Variants in DNM2 observed in about 807,000 individuals in gnomAD.
DNM2 encodes dynamin-2.
In DNM2, 15 loss-of-function variants were observed where a neutral mutation model predicts 99.0. The observed-to-expected ratio is 0.15, with a 90% confidence interval of 0.10 to 0.23. DNM2 has a LOEUF of 0.23. Among genes scored for constraint, DNM2 ranks in the 10% least tolerant of loss-of-function variants. The probability of loss-of-function intolerance (pLI) is 1.00; values close to 1 mark genes in which losing one functional copy is unlikely to be tolerated. For synonymous variants in DNM2, 525 were observed against 481.2 expected, an observed-to-expected ratio of 1.09 and a Z score of -1.19; for missense variants, 742 against 1,189.4, an observed-to-expected ratio of 0.62 and a Z score of 5.53.
chr19:10,752,395 G>A (rs567517307), intron 1 of DNM2, among the ~76,000 whole-genome samples: 2 of 152,212 alleles, frequency 1.3e-5, no homozygotes, highest in African/African-American at 2.4e-5. Context: ...CCCGCCCTAT[G>A]TTCTGAAGCT....
chr19:10,741,753 G>A (rs1232886860), intron 1 of DNM2, among the ~76,000 whole-genome samples: 8 of 151,112 alleles, frequency 5.3e-5, no homozygotes, highest in African/African-American at 1.7e-4. Flanking sequence ...GGGTTTCACC[G>A]TGTTAGCCAG....
At chr19:10,785,773 A>G (rs901484100) in intron 6 of DNM2, among the ~76,000 whole-genome samples, 1 of 152,112 alleles carries the variant, frequency 6.6e-6, no homozygotes, top group Admixed American at 6.5e-5. Context: ...ACTCTGCTTT[A>G]CACTTTGCAA....
intron 5 of DNM2, among the ~76,000 whole-genome samples, chr19:10,782,178 G>C (rs1568297518): frequency 6.6e-6 from 1 of 151,680 alleles, no homozygotes; most frequent in Non-Finnish European, 1.5e-5. Context: ...GACTATACAC[G>C]TGTGCTACCA....
rs995187255 is a variant in DNM2 at position 10,782,843 on chromosome 19, A to G, written c.689-117A>G. On this transcript the variant is annotated intron_variant, in intron 5 of 20. Transcript: ENST00000389253. ...TTGTTTCTGAGTAACATGTTATGAC[A>G]GCTGTGAGTGCCTCGTGGGACAGGA... 4.5e-5 allele frequency: 63 copies of G among 1,394,294 alleles called. No individual in the cohort carries two copies. The Middle Eastern group carries it at 1.2e-3, about 26-fold the overall frequency. 86.4% of individuals were successfully genotyped at this position (1,394,294 alleles called of 1,614,324 possible).
intron 1 of DNM2, among the ~76,000 whole-genome samples, chr19:10,746,548 C>T (rs1182762312): frequency 6.6e-6 from 1 of 151,850 alleles, no homozygotes; most frequent in Non-Finnish European, 1.5e-5. Flanking sequence ...CTCAGCCTCC[C>T]GAGTAGCTGA....
At chr19:10,720,923 C>T (rs2068917992) in intron 1 of DNM2, among the ~76,000 whole-genome samples, 1 of 152,148 alleles carries the variant, frequency 6.6e-6, no homozygotes, top group South Asian at 2.1e-4. Flanking sequence ...CCCCATTTTA[C>T]AGAGCAGGAA....
In DNM2 at chr19:10,829,209, G is replaced by A; in HGVS notation, c.2232G>A (p.Val744=). Residue 744 remains valine (V), a synonymous_variant, in exon 19 of 21, where the codon GTG becomes GTA. Coordinates refer to ENST00000389253, the MANE Select transcript of DNM2 (RefSeq NM_001005361.3). Reference sequence around the variant, plus strand: ...TCGGTGACATCAGCACCAGCACTGTGTCCACGCCTGTACCCCCGCCTGTCG... The same window carrying A: ...TCGGTGACATCAGCACCAGCACTGTATCCACGCCTGTACCCCCGCCTGTCG... ...NIIGDISTST[V]STPVPPPVDD... 1 of 1,613,990 alleles carries A rather than the reference G, an allele frequency of 6.2e-7. No individual in the cohort carries two copies. The highest frequency in any genetic ancestry group is 1.7e-5 in the Admixed American group (1 of 60,020).
At position 10,744,688 on chromosome 19, in the gene DNM2, C is replaced by T. The variant is rs752564096; in HGVS notation, c.162-15050C>T. Among the ~76,000 whole-genome samples the T allele has an allele frequency of 6.6e-5, 10 of 152,258 alleles. No individual in the cohort carries two copies. The East Asian group carries it at 9.7e-4, about 15-fold the overall frequency. On this transcript the variant is annotated intron_variant, in intron 1 of 20. Transcript: ENST00000389253. ...GCAGACACAGTGAGCGTTCACTTTG[C>T]CCTGGCAACTGGAACTGTCTCCTCC...
At chr19:10,721,102 A>G (rs551399121) in intron 1 of DNM2, among the ~76,000 whole-genome samples, 2 of 151,976 alleles carry the variant, frequency 1.3e-5, no homozygotes, top group Admixed American at 6.6e-5. Flanking sequence ...GCTGCCGGCC[A>G]GTATGGAGCT....
intron 17 of DNM2, 118 bp downstream of exon 17, chr19:10,824,017 T>C (rs1295973535): frequency 3.3e-6 from 3 of 912,584 alleles, no homozygotes; most frequent in African/African-American, 3.3e-5. Flanking sequence ...TCTGAAATCA[T>C]GTAGCAGATG....
At chr19:10,740,641 T>C (rs745826905) in intron 1 of DNM2, among the ~76,000 whole-genome samples, 4 of 152,226 alleles carry the variant, frequency 2.6e-5, no homozygotes, top group Non-Finnish European at 4.4e-5. Context: ...CTCTTAAAAG[T>C]GTGGGGATTA....
At chr19:10,786,750 C>A in intron 7 of DNM2, 44 bp downstream of exon 7, 1 of 1,612,648 alleles carries the variant, frequency 6.2e-7, no homozygotes, top group Non-Finnish European at 8.5e-7. Flanking sequence ...CTGGCCCCTG[C>A]CTTCCATCAG....
At chr19:10,794,675 G>A (rs753494170) in intron 8 of DNM2, among the ~76,000 whole-genome samples, 5 of 151,922 alleles carry the variant, frequency 3.3e-5, no homozygotes, top group Non-Finnish European at 7.4e-5. Context: ...CCAGGAGGCA[G>A]AGGATGCAGC....
Position 10,830,506 on chromosome 19 carries a change from TATTTGG to T in DNM2, c.2543+129_2543+134del. On this transcript the variant is annotated intron_variant, in intron 20 of 20. Transcript: ENST00000389253. This position sits in a 1 kb window ranked among gnomAD's most constrained non-coding sequence, Gnocchi z 4.8. ...GGAGTGGAGGAATCGTCCTCATCCC[TATTTGG>T]CTTGCGAGGAAACAGGCCCAGAGAG... The T allele has an allele frequency of 2.6e-6, 3 of 1,158,188 alleles. No homozygotes were observed. In the African/African-American group the frequency reaches 4.6e-5, roughly 18 times the overall value. The allele number at this position is 1,158,188 out of a possible 1,614,324, so 71.7% of individuals were successfully genotyped here. A position where few individuals can be genotyped will look rare whatever the true frequency, so the allele number is the denominator to read the frequency against.
At position 10,824,079 on chromosome 19, in the gene DNM2, A is replaced by C; in HGVS notation, c.1893+180A>C. 4 of 630,222 alleles carry C rather than the reference A, an allele frequency of 6.3e-6. No homozygotes were observed. In the South Asian group the frequency reaches 7.3e-5, roughly 12 times the overall value. 39.0% of individuals were successfully genotyped at this position (630,222 alleles called of 1,614,324 possible). A position where few individuals can be genotyped will look rare whatever the true frequency, so the allele number is the denominator to read the frequency against. ...TGGGGGTACTTTGTCATCAGGGCCC[A>C]GAAAGTTCCCTCACGGAAGCCAGTG... is the stretch of plus-strand genomic sequence containing the variant. On this transcript the variant is annotated intron_variant, in intron 17 of 20. Transcript: ENST00000389253.
intron 1 of DNM2, among the ~76,000 whole-genome samples, chr19:10,725,082 A>C (rs1165993994): frequency 2.0e-5 from 3 of 152,218 alleles, no homozygotes; most frequent in Admixed American, 2.0e-4. Context: ...TTATTAGTTT[A>C]GAGCCACTTG....
rs1158118698 is a variant in DNM2, at chr19:10,772,999, A to G, written c.385+371A>G. 6.8e-5 allele frequency among the ~76,000 whole-genome samples: 5 copies of G among 73,562 alleles called. No homozygotes were observed. The highest frequency in any genetic ancestry group is 3.2e-4 in the Admixed American group (2 of 6,230). 48.3% of individuals were successfully genotyped at this position (73,562 alleles called of 152,430 possible). ...CCTGGGTTTTTTTTTTTTTTTTTTG[A>G]GACAGAGTCTTGCTCTGTTGCCCAG... On this transcript the variant is annotated intron_variant, in intron 3 of 20. Transcript: ENST00000389253. The surrounding 1 kb of genome is among the most constrained non-coding windows in gnomAD (Gnocchi z 4.9).
chr19:10,760,255 G>A (rs1389982884), intron 2 of DNM2, among the ~76,000 whole-genome samples: 2 of 150,862 alleles, frequency 1.3e-5, no homozygotes, highest in Non-Finnish European at 2.9e-5. Flanking sequence ...TGGCCAGGCT[G>A]GTCTTGAACT....
intron 1 of DNM2, chr19:10,754,993 A>G (rs1354176337): frequency 6.6e-6 from 1 of 152,216 alleles, no homozygotes; most frequent in African/African-American, 2.4e-5. Context: ...CTTCTAGTCC[A>G]TTTCCCGAAA....
Sources: allele counts gnomAD v4.1 joint callset (sites outside exome capture counted in the v4.1 genomes callset), GRCh38; gene constraint gnomAD v4.1.1; non-coding constraint Gnocchi (gnomAD v3.1); transcripts MANE v1.5; gene names NCBI Gene and HGNC (gene_info 2026-07-23, HGNC 2026-07-21).